PPP2R3C: variants seen among roughly 807,000 people sequenced by gnomAD.
PPP2R3C encodes the protein serine/threonine-protein phosphatase 2A regulatory subunit B'' subunit gamma.
In PPP2R3C, 47 loss-of-function variants were observed where a neutral mutation model predicts 63.7. The observed-to-expected ratio is 0.74, with a 90% CI of 0.58 to 0.94. PPP2R3C has a LOEUF of 0.94. Among genes scored for constraint, PPP2R3C ranks in the 40% least tolerant of loss-of-function variants. PPP2R3C has a pLI of 0.00. For synonymous variants in PPP2R3C, 180 were observed against 177.4 expected, an observed-to-expected ratio of 1.01 and a Z score of -0.12; for missense variants, 421 against 518.4, an observed-to-expected ratio of 0.81 and a Z score of 1.82.
chr14:35,098,394 C>T (rs1410610751), intron 7 of PPP2R3C, among the ~76,000 whole-genome samples: 5 of 145,728 alleles, frequency 3.4e-5, no homozygotes, highest in South Asian at 2.2e-4. Context: ...CTCTTGTTGC[C>T]CAGGCTGGAA....
intron 7 of PPP2R3C, 142 bp downstream of exon 7, chr14:35,099,107 CCTT>C (rs1336298417): frequency 9.1e-7 from 1 of 1,099,636 alleles, no homozygotes; most frequent in African/African-American, 1.6e-5. Context: ...GTTTTTTCTA[CCTT>C]TTTATCTCCT....
chr14:35,111,327 A>C (rs1159780319), intron 2 of PPP2R3C, among the ~76,000 whole-genome samples: 1 of 152,142 alleles, frequency 6.6e-6, no homozygotes, highest in African/African-American at 2.4e-5. Context: ...TTGCAAAATT[A>C]TAACAGTGAC....
rs975097189 is a variant in PPP2R3C at position 35,096,883 on chromosome 14, T to C, written c.707-119A>G. The C allele has an allele frequency of 3.0e-6, 3 of 991,310 alleles. No homozygotes were observed. In the African/African-American group the frequency reaches 4.9e-5, roughly 16 times the overall value. 61.4% of individuals were successfully genotyped at this position (991,310 alleles called of 1,614,324 possible). A position where few individuals can be genotyped will look rare whatever the true frequency, so the allele number is the denominator to read the frequency against. The stretch of plus-strand genomic sequence containing the variant: ...CAATTGATATTTTAAAGCTTCTAGC[T>C]CTTATGCTCCAAAGTCCTTATTACA... On this transcript the variant is annotated intron_variant, in intron 7 of 12. Transcript: ENST00000261475.
Position 35,096,738 on chromosome 14 carries a change from C to CT in PPP2R3C, c.732dup (p.Ala245SerfsTer7), listed in dbSNP as rs1444329913. ...AATAAATCATCTAGGAAGCTGCATG[C>CT]TAAAATATCTTGAATTTTTATCTTT... On this transcript the variant is annotated frameshift_variant, in exon 8 of 13. Coordinates refer to ENST00000261475, the MANE Select transcript of PPP2R3C (RefSeq NM_017917.4). LOFTEE classifies it high-confidence loss of function. 6.3e-7 allele frequency: 1 copy of CT among 1,590,088 alleles called. No individual in the cohort carries two copies. The highest frequency in any genetic ancestry group is 1.1e-5 in the South Asian group (1 of 87,044).
chr14:35,121,273 A>G (rs1368089417), intron 1 of PPP2R3C, among the ~76,000 whole-genome samples: 1 of 152,034 alleles, frequency 6.6e-6, no homozygotes, highest in Non-Finnish European at 1.5e-5. Flanking sequence ...GCTACTCCAG[A>G]GGCTGAGGCA....
chr14:35,091,332 A>T, intron 10 of PPP2R3C, 125 bp from the exon 11 acceptor site: 1 of 926,228 alleles, frequency 1.1e-6, no homozygotes, highest in Non-Finnish European at 1.5e-6. Context: ...CTAAGTTATG[A>T]TATGAGAAAT....
intron 2 of PPP2R3C, among the ~76,000 whole-genome samples, chr14:35,115,717 G>A (rs2046691080): frequency 6.6e-6 from 1 of 152,066 alleles, no homozygotes; most frequent in Non-Finnish European, 1.5e-5. Context: ...CACCTCCTGG[G>A]TTCAAGTGAT....
At chr14:35,085,912 G>T in intron 12 of PPP2R3C, 134 bp from the exon 13 acceptor site, 1 of 687,372 alleles carries the variant, frequency 1.5e-6, no homozygotes, top group South Asian at 2.6e-5. Context: ...TTGGGCTTAT[G>T]TTAATTTTTT....
At chr14:35,122,036 C>T, upstream of PPP2R3C, 1 of 1,527,086 alleles carries the variant, frequency 6.5e-7, no homozygotes, top group East Asian at 2.3e-5. Context: ...GCGTCAGCAC[C>T]GCCAGGCCCC....
intron 1 of PPP2R3C, among the ~76,000 whole-genome samples, chr14:35,119,649 T>C (rs1166530926): frequency 6.6e-6 from 1 of 151,570 alleles, no homozygotes; most frequent in African/African-American, 2.4e-5. Flanking sequence ...CCAACACCAC[T>C]ACCCCCGACC....
At chr14:35,087,633 C>T (rs1330373470) in intron 12 of PPP2R3C, 21 of 273,820 alleles carry the variant, frequency 7.7e-5, no homozygotes, top group South Asian at 3.3e-4. Flanking sequence ...CTCCTGACCT[C>T]GGATGATCCG....
chr14:35,115,042 C>T (rs549745169), intron 2 of PPP2R3C, among the ~76,000 whole-genome samples: 8 of 151,768 alleles, frequency 5.3e-5, no homozygotes, highest in African/African-American at 1.9e-4. Context: ...CTATGTTGCC[C>T]AGGCTGGTCT....
intron 4 of PPP2R3C, among the ~76,000 whole-genome samples, chr14:35,108,565 G>T (rs2046436392): frequency 6.6e-6 from 1 of 151,568 alleles, no homozygotes; most frequent in Non-Finnish European, 1.5e-5. Context: ...ATTTGTATTG[G>T]GTATTTATAT....
At chr14:35,112,985 T>C (rs1339283310) in intron 2 of PPP2R3C, 1 of 152,298 alleles carries the variant, frequency 6.6e-6, no homozygotes, top group Non-Finnish European at 1.5e-5. Context: ...TCAAATGTAT[T>C]TGATTGATGT....
intron 4 of PPP2R3C, among the ~76,000 whole-genome samples, chr14:35,109,479 ATTTG>A (rs775802576): frequency 9.9e-5 from 15 of 151,338 alleles, no homozygotes; most frequent in Admixed American, 4.6e-4. Flanking sequence ...ATATTTGAGG[ATTTG>A]TTTATTTTTT....
chr14:35,117,296 C>T, intron 1 of PPP2R3C: 1 of 394,024 alleles, frequency 2.5e-6, no homozygotes, highest in Non-Finnish European at 5.1e-6. Context: ...GCCAATTCCT[C>T]CCCACTTATT....
At position 35,085,732 on chromosome 14, in the gene PPP2R3C, G is replaced by C. The variant is rs757087691; in HGVS notation, c.1220C>G (p.Ser407Cys). ...ATTACTGTTGATTAAATCCTGAAGA[G>C]AGATTTTCAAAGGATCCTTTGGTTT... ...MVKPKDPLKI[S>C]LQDLINSNQG... is the part of the protein sequence containing the mutation. Residue 407 changes from serine to cysteine, a missense_variant, in exon 13 of 13, where the codon TCT becomes TGT. Physicochemically the swap from Ser to Cys is moderately radical, Grantham distance 112. Coordinates refer to ENST00000261475, the MANE Select transcript of PPP2R3C (RefSeq NM_017917.4). The C allele has an allele frequency of 6.2e-7, 1 of 1,611,146 alleles. No homozygotes were observed. The highest frequency in any genetic ancestry group is 1.3e-5 in the African/African-American group (1 of 74,940).
chr14:35,107,319 C>T lies in PPP2R3C; in HGVS notation c.558G>A (p.Gly186=), dbSNP rs1287399679. ...TAACACTTACAGATTCCCGAAGGTA[C>T]CCCTGCCCAGCGACATCATATAAAC... ...GLSLYDVAGQ[G]YLRESDLENY... Residue 186 remains glycine (G), a synonymous_variant, in exon 6 of 13, where the codon GGG becomes GGA. Transcript: ENST00000261475. 5 of 1,605,416 alleles carry T rather than the reference C, an allele frequency of 3.1e-6. No individual in the cohort carries two copies. The highest frequency in any genetic ancestry group is 4.3e-6 in the Non-Finnish European group (5 of 1,172,104).
At chr14:35,121,835 A>C (rs1595142046) in intron 1 of PPP2R3C, 67 bp downstream of exon 1, 1 of 1,550,268 alleles carries the variant, frequency 6.5e-7, no homozygotes, top group East Asian at 2.3e-5. Context: ...CCTCCTCCCC[A>C]CCTCCCCCCT....
Sources: allele counts gnomAD v4.1 joint callset (sites outside exome capture counted in the v4.1 genomes callset), GRCh38; gene constraint gnomAD v4.1.1; transcripts MANE v1.5; gene names NCBI Gene and HGNC (gene_info 2026-07-23, HGNC 2026-07-21).